CAMK1D: variants seen among roughly 807,000 people sequenced by gnomAD.
CAMK1D encodes calcium/calmodulin dependent protein kinase ID.
In CAMK1D, 9 loss-of-function variants were observed where a neutral mutation model predicts 47.7. The observed-to-expected ratio is 0.19, with a 90% confidence interval of 0.11 to 0.33. The LOEUF (loss-of-function observed/expected upper bound fraction) is 0.33. Ranked by LOEUF, CAMK1D falls within the 10% of genes least tolerant of loss-of-function variation. CAMK1D has a pLI of 1.00. For synonymous variants in CAMK1D, 184 were observed against 184.9 expected, an observed-to-expected ratio of 0.99 and a Z score of 0.04; for missense variants, 291 against 488.7, an observed-to-expected ratio of 0.60 and a Z score of 3.81.
intron 3 of CAMK1D, among the ~76,000 whole-genome samples, chr10:12,708,044 C>G (rs1267965958): frequency 1.3e-5 from 2 of 152,210 alleles, no homozygotes; most frequent in Admixed American, 1.3e-4. Context: ...ATTGCCACGG[C>G]TAGAGCCCCC....
intron 1 of CAMK1D, among the ~76,000 whole-genome samples, chr10:12,435,539 A>G (rs1374348719): frequency 1.4e-4 from 21 of 151,576 alleles, no homozygotes; most frequent in Admixed American, 1.3e-3. Flanking sequence ...CTCCACTCCC[A>G]AGCAGCCTGT....
chr10:12,405,831 ACTT>A (rs762156232), intron 1 of CAMK1D, among the ~76,000 whole-genome samples: 6 of 152,244 alleles, frequency 3.9e-5, no homozygotes, highest in Admixed American at 6.5e-5. Context: ...TATTACAAGT[ACTT>A]CTTATCAGGA....
intron 1 of CAMK1D, among the ~76,000 whole-genome samples, chr10:12,353,300 G>A (rs1564289126): frequency 6.6e-6 from 1 of 152,174 alleles, no homozygotes; most frequent in Non-Finnish European, 1.5e-5. Context: ...ACGTCTTTAA[G>A]ATACGAAGGC....
At chr10:12,680,940 C>T (rs957232201) in intron 3 of CAMK1D, among the ~76,000 whole-genome samples, 5 of 151,916 alleles carry the variant, frequency 3.3e-5, no homozygotes, top group Admixed American at 6.6e-5. Context: ...CGCTCTGTTC[C>T]TGGCCTGCCT....
chr10:12,665,283 TTATCTTG>T (rs1379294760), intron 2 of CAMK1D, among the ~76,000 whole-genome samples: 2 of 152,278 alleles, frequency 1.3e-5, no homozygotes, highest in African/African-American at 4.8e-5. Context: ...TCTTTGTTAA[TTATCTTG>T]TTCTCTTTCA....
At chr10:12,743,361 AAAAAAG>A (rs1368671396) in intron 3 of CAMK1D, among the ~76,000 whole-genome samples, 1 of 118,138 alleles carries the variant, frequency 8.5e-6, no homozygotes, top group Non-Finnish European at 2.0e-5. Flanking sequence ...AAAAAAAAAG[AAAAAAG>A]AAAAAAAGAA....
At chr10:12,362,243 C>T (rs1038319126) in intron 1 of CAMK1D, among the ~76,000 whole-genome samples, 8 of 152,086 alleles carry the variant, frequency 5.3e-5, no homozygotes, top group Non-Finnish European at 1.2e-4. Flanking sequence ...GAAACACTAA[C>T]TCCCTACTCC....
At chr10:12,556,746 C>T (rs757711769) in intron 2 of CAMK1D, among the ~76,000 whole-genome samples, 11 of 152,076 alleles carry the variant, frequency 7.2e-5, no homozygotes, top group Non-Finnish European at 1.5e-4. Context: ...GGGGAGCCAT[C>T]GGAGGGTTTT....
intron 1 of CAMK1D, among the ~76,000 whole-genome samples, chr10:12,384,237 C>A (rs77058084): frequency 6.6e-6 from 1 of 152,188 alleles, no homozygotes; most frequent in Non-Finnish European, 1.5e-5. Context: ...CGTCCTGTGT[C>A]TATGGATTGG....
chr10:12,482,506 T>C (rs1248645320), intron 1 of CAMK1D, among the ~76,000 whole-genome samples: 1 of 152,248 alleles, frequency 6.6e-6, no homozygotes, highest in African/African-American at 2.4e-5. Context: ...GAATTTTTTT[T>C]TCTCTCGAAG....
At position 12,833,687 on chromosome 10, in the gene CAMK1D, G is replaced by A. The variant is rs574191660; in HGVS notation, c.*4800G>A. 10 of 152,294 alleles carry A rather than the reference G, an allele frequency of 6.6e-5. No homozygotes were observed. The highest frequency in any genetic ancestry group is 1.9e-4 in the African/African-American group (8 of 41,568). 9.4% of individuals were successfully genotyped at this position (152,294 alleles called of 1,614,324 possible). On this transcript the variant is annotated 3_prime_UTR_variant, in exon 11 of 11. Coordinates refer to ENST00000619168, the MANE Select transcript of CAMK1D (RefSeq NM_153498.4). ...GATATGAGAAAGGAAGGCAAGTGCG[G>A]GCAAAGGGAAGCTCCTCCCGTTTTT...
chr10:12,496,965 C>CAG (rs1834558823), intron 1 of CAMK1D, among the ~76,000 whole-genome samples: 1 of 152,174 alleles, frequency 6.6e-6, no homozygotes, highest in East Asian at 1.9e-4. Flanking sequence ...GTTCAGCTCC[C>CAG]ACTTATAAGT....
At chr10:12,452,318 T>C (rs1588501003) in intron 1 of CAMK1D, among the ~76,000 whole-genome samples, 1 of 152,054 alleles carries the variant, frequency 6.6e-6, no homozygotes, top group South Asian at 2.1e-4. Context: ...AAATATACAG[T>C]GTCCAGTTTT....
At chr10:12,397,975 C>T (rs1428698960) in intron 1 of CAMK1D, among the ~76,000 whole-genome samples, 4 of 152,108 alleles carry the variant, frequency 2.6e-5, no homozygotes, top group Non-Finnish European at 4.4e-5. Flanking sequence ...TTTGTAAAGC[C>T]GTCTACCCCC....
At chr10:12,362,748 G>C (rs1837711974) in intron 1 of CAMK1D, among the ~76,000 whole-genome samples, 1 of 152,174 alleles carries the variant, frequency 6.6e-6, no homozygotes, top group South Asian at 2.1e-4. Flanking sequence ...CTGACCTCCT[G>C]ATCTGCCCGC....
intron 8 of CAMK1D, among the ~76,000 whole-genome samples, chr10:12,822,630 C>A (rs1416116259): frequency 2.0e-5 from 3 of 152,328 alleles, no homozygotes; most frequent in South Asian, 4.1e-4. Flanking sequence ...CTGAGGAATT[C>A]CAGACTCCCC....
intron 3 of CAMK1D, among the ~76,000 whole-genome samples, chr10:12,680,892 A>G (rs1157602520): frequency 2.6e-5 from 4 of 151,802 alleles, no homozygotes; most frequent in African/African-American, 4.8e-5. Context: ...CTCAAAAAAA[A>G]AAAAAAAAAT....
chr10:12,711,894 A>T (rs1472254461), intron 3 of CAMK1D, among the ~76,000 whole-genome samples: 1 of 152,172 alleles, frequency 6.6e-6, no homozygotes. Flanking sequence ...TTCTGTCCTT[A>T]TATTTCTATT....
intron 5 of CAMK1D, among the ~76,000 whole-genome samples, chr10:12,778,821 T>C (rs1482307375): frequency 1.3e-5 from 2 of 152,076 alleles, no homozygotes; most frequent in African/African-American, 4.8e-5. Flanking sequence ...AACGGCGAAC[T>C]ATAAGCACAC....
Sources: allele counts gnomAD v4.1 joint callset (sites outside exome capture counted in the v4.1 genomes callset), GRCh38; gene constraint gnomAD v4.1.1; transcripts MANE v1.5; gene names NCBI Gene and HGNC (gene_info 2026-07-23, HGNC 2026-07-21).